CNTNAP2: variants seen among roughly 807,000 people sequenced by gnomAD.
The protein encoded by CNTNAP2 is contactin-associated protein-like 2.
In CNTNAP2, 98 loss-of-function variants were observed where a neutral mutation model predicts 155.2. That is an observed-to-expected ratio of 0.63 (90% CI 0.54 to 0.75). The LOEUF (loss-of-function observed/expected upper bound fraction) is 0.75, where lower values mean the gene tolerates loss of function less well. CNTNAP2 is among the 30% of genes least tolerant of loss of function. The pLI is 0.00. For synonymous variants in CNTNAP2, 651 were observed against 631.2 expected, an observed-to-expected ratio of 1.03 and a Z score of -0.47; for missense variants, 1,727 against 1,688.1, an observed-to-expected ratio of 1.02 and a Z score of -0.40.
intron 3 of CNTNAP2, among the ~76,000 whole-genome samples, chr7:146,880,318 T>C (rs770035185): frequency 6.6e-6 from 1 of 152,022 alleles, no homozygotes; most frequent in Non-Finnish European, 1.5e-5. Flanking sequence ...AGCTCCTTTA[T>C]GCTCTCTCTT....
chr7:146,345,831 G>A (rs1206942431), intron 1 of CNTNAP2, among the ~76,000 whole-genome samples: 2 of 152,130 alleles, frequency 1.3e-5, no homozygotes, highest in Non-Finnish European at 2.9e-5. Flanking sequence ...TATGGCAGAG[G>A]CAGAGGAGCA....
chr7:147,991,121 G>A (rs1170860776), intron 15 of CNTNAP2, among the ~76,000 whole-genome samples: 1 of 152,092 alleles, frequency 6.6e-6, no homozygotes, highest in Non-Finnish European at 1.5e-5. Flanking sequence ...CTTGGTCCCA[G>A]GAACCTGGGA....
intron 21 of CNTNAP2, among the ~76,000 whole-genome samples, chr7:148,274,280 G>A (rs1207927910): frequency 6.6e-6 from 1 of 152,112 alleles, no homozygotes; most frequent in Non-Finnish European, 1.5e-5. Context: ...AAGCCACCGA[G>A]ACTATAGGGC....
chr7:148,115,874 C>T (rs7781615), intron 15 of CNTNAP2, among the ~76,000 whole-genome samples: 44,963 of 151,748 alleles, frequency 0.3, 8,211 homozygotes, highest in East Asian at 0.68. Context: ...CATGGTGGCT[C>T]ATGCCTGTAA....
chr7:148,263,013 T>C (rs1253269346), intron 20 of CNTNAP2: 1 of 152,164 alleles, frequency 6.6e-6, no homozygotes, highest in Non-Finnish European at 1.5e-5. Flanking sequence ...ATCCCACTCA[T>C]CCCTTCCGGC....
intron 6 of CNTNAP2, among the ~76,000 whole-genome samples, chr7:147,123,918 T>C (rs929968413): frequency 2.0e-5 from 3 of 152,160 alleles, no homozygotes; most frequent in Non-Finnish European, 4.4e-5. Flanking sequence ...GGCAGGCATC[T>C]GTAATCCCAG....
intron 1 of CNTNAP2, among the ~76,000 whole-genome samples, chr7:146,362,852 C>A (rs1323228086): frequency 1.4e-5 from 2 of 146,778 alleles, no homozygotes; most frequent in African/African-American, 5.0e-5. Context: ...CTCACTGTAA[C>A]CCCCGCCTCC....
intron 1 of CNTNAP2, among the ~76,000 whole-genome samples, chr7:146,271,070 G>T (rs1030739478): frequency 6.6e-6 from 1 of 152,058 alleles, no homozygotes; most frequent in Admixed American, 6.6e-5. Context: ...TTATTCTTTA[G>T]TAGTACTTGC....
chr7:148,216,164 G>C (rs1204294171), intron 18 of CNTNAP2, among the ~76,000 whole-genome samples: 1 of 152,184 alleles, frequency 6.6e-6, no homozygotes, highest in Non-Finnish European at 1.5e-5. Context: ...AAACAGCAGG[G>C]AGACCGGCAA....
intron 13 of CNTNAP2, among the ~76,000 whole-genome samples, chr7:147,831,423 T>C (rs1233977681): frequency 6.6e-6 from 1 of 152,214 alleles, no homozygotes; most frequent in Non-Finnish European, 1.5e-5. Flanking sequence ...TTTTTTTCAT[T>C]GTAATATTTC....
intron 15 of CNTNAP2, among the ~76,000 whole-genome samples, chr7:148,080,828 G>C (rs191360264): frequency 9.7e-4 from 148 of 152,226 alleles, no homozygotes; most frequent in Middle Eastern, 3.4e-3. Context: ...CAACATACGT[G>C]GGGATCTTGT....
At chr7:147,290,540 G>C (rs576857117) in intron 8 of CNTNAP2, among the ~76,000 whole-genome samples, 1 of 151,916 alleles carries the variant, frequency 6.6e-6, no homozygotes. Context: ...AAAATTAGCC[G>C]AGCGTGGTGG....
At chr7:146,168,172 C>T (rs1798340149) in intron 1 of CNTNAP2, among the ~76,000 whole-genome samples, 1 of 152,128 alleles carries the variant, frequency 6.6e-6, no homozygotes, top group Non-Finnish European at 1.5e-5. Context: ...TGACTTAAAT[C>T]TTAATCTCCT....
chr7:146,548,946 A>G (rs1424936778), intron 1 of CNTNAP2, among the ~76,000 whole-genome samples: 1 of 151,742 alleles, frequency 6.6e-6, no homozygotes, highest in Non-Finnish European at 1.5e-5. Context: ...CGAATGTCAT[A>G]AAAGTTTTCC....
intron 1 of CNTNAP2, among the ~76,000 whole-genome samples, chr7:146,605,616 G>A (rs971087136): frequency 6.6e-6 from 1 of 152,048 alleles, no homozygotes; most frequent in Non-Finnish European, 1.5e-5. Flanking sequence ...GCCATATCAT[G>A]GATGATAATA....
chr7:146,839,951 A>G (rs1562968863), intron 3 of CNTNAP2, 47 bp downstream of exon 3: 4 of 1,597,616 alleles, frequency 2.5e-6, no homozygotes, highest in Non-Finnish European at 3.4e-6. Flanking sequence ...GATTGGAAAT[A>G]TTAGAAAATG....
chr7:146,668,992 A>T (rs549936926), intron 1 of CNTNAP2, among the ~76,000 whole-genome samples: 1 of 152,100 alleles, frequency 6.6e-6, no homozygotes, highest in Non-Finnish European at 1.5e-5. Context: ...TAAATATTTC[A>T]TGTGTACCTG....
At chr7:148,239,180 T>C (rs1796099623) in intron 20 of CNTNAP2, among the ~76,000 whole-genome samples, 1 of 152,232 alleles carries the variant, frequency 6.6e-6, no homozygotes, top group Non-Finnish European at 1.5e-5. Flanking sequence ...AGAATAATGA[T>C]GAGCCATTTG....
intron 1 of CNTNAP2, among the ~76,000 whole-genome samples, chr7:146,560,570 C>T (rs1399991271): frequency 6.6e-6 from 1 of 152,054 alleles, no homozygotes; most frequent in Non-Finnish European, 1.5e-5. Flanking sequence ...TCAACCTAAG[C>T]CCTACTCTAG....
Sources: gnomAD v4.1 joint callset for allele counts (sites outside exome capture counted in the v4.1 genomes callset) on GRCh38, gnomAD v4.1.1 for gene constraint, MANE v1.5 for transcripts, NCBI Gene and HGNC (gene_info 2026-07-23, HGNC 2026-07-21) for gene names.